SLC11A2: variants seen among roughly 807,000 people sequenced by gnomAD.
SLC11A2 encodes natural resistance-associated macrophage protein 2.
SLC11A2 carries 38 observed loss-of-function variants against 68.0 expected under a neutral mutation model. That is an observed-to-expected ratio of 0.56 (90% CI 0.43 to 0.73). SLC11A2 has a LOEUF of 0.73. SLC11A2 is among the 30% of genes least tolerant of loss of function. The probability of loss-of-function intolerance (pLI) is 0.00; values close to 1 mark genes in which losing one functional copy is unlikely to be tolerated. For missense variants in SLC11A2, 517 were observed against 690.5 expected, an observed-to-expected ratio of 0.75 and a Z score of 2.82; for synonymous variants, 242 against 250.6, an observed-to-expected ratio of 0.97 and a Z score of 0.32.
At chr12:50,977,255 G>A (rs959561776), downstream of SLC11A2, among the ~76,000 whole-genome samples, 2 of 152,172 alleles carry the variant, frequency 1.3e-5, no homozygotes, top group African/African-American at 4.8e-5. Flanking sequence ...ATACTACCAG[G>A]CTACAGTAAC....
Position 50,992,888 on chromosome 12 carries a change from G to A in SLC11A2, c.1119C>T (p.Tyr373=), listed in dbSNP as rs943415797. 6.2e-7 allele frequency: 1 copy of A among 1,614,030 alleles called. No individual in the cohort carries two copies. The highest frequency in any genetic ancestry group is 8.5e-7 in the Non-Finnish European group (1 of 1,179,984). Residue 373 remains tyrosine, a synonymous_variant, in exon 12 of 16, where the codon TAC becomes TAT. Transcript: ENST00000262052. ...LGCYFGPAAL[Y]IWAVGILAAG... The stretch of plus-strand genomic sequence containing the variant: ...CAGCCAGGATCCCCACTGCCCAAAT[G>A]TAGAGTGCAGCAGGCCCAAAGTAAC...
At chr12:50,996,788 G>C in intron 9 of SLC11A2, 29 bp downstream of exon 9, 2 of 1,610,244 alleles carry the variant, frequency 1.2e-6, no homozygotes, top group South Asian at 2.2e-5. Flanking sequence ...AACTGTCTAG[G>C]AGGTGAAGGA....
At chr12:51,005,088 C>T (rs1942605986) in intron 4 of SLC11A2, among the ~76,000 whole-genome samples, 181 bp from the exon 5 acceptor site, 1 of 152,182 alleles carries the variant, frequency 6.6e-6, no homozygotes, top group Non-Finnish European at 1.5e-5. Context: ...TCACCTTGTA[C>T]CTTTCTGAGC....
chr12:51,013,989 T>A (rs978411922), intron 1 of SLC11A2: 1 of 151,858 alleles, frequency 6.6e-6, no homozygotes, highest in Non-Finnish European at 1.5e-5. Flanking sequence ...ACCCAGCTAA[T>A]TTTTCTATTT....
At chr12:51,028,649 C>G (rs1944472264), upstream of SLC11A2, 1 of 167,604 alleles carries the variant, frequency 6.0e-6, no homozygotes, top group Admixed American at 6.1e-5. Flanking sequence ...GGACTCTGCT[C>G]CTCTGAGACG....
In SLC11A2 at chr12:50,988,172, T is replaced by C. The variant is rs146016854; in HGVS notation, c.*153A>G. ...AGGAAGGAAAAAATAATTCCATCTT[T>C]CAAATACACATGAAACAAAGTCTTT... On this transcript the variant is annotated 3_prime_UTR_variant, in exon 16 of 16. Coordinates refer to ENST00000262052, the MANE Select transcript of SLC11A2 (RefSeq NM_000617.3). 1.1e-4 allele frequency: 163 copies of C among 1,534,984 alleles called. 1 individual carries two copies. In the East Asian group the frequency reaches 3.0e-3, roughly 28 times the overall value.
intron 1 of SLC11A2, among the ~76,000 whole-genome samples, chr12:51,021,395 G>A (rs1423946394): frequency 1.3e-5 from 2 of 152,198 alleles, no homozygotes; most frequent in African/African-American, 4.8e-5. Context: ...GGAGGCAGAG[G>A]CAGGTGGATC....
downstream of SLC11A2, chr12:50,980,560 A>C (rs1269065650): frequency 6.8e-6 from 1 of 147,132 alleles, no homozygotes; most frequent in Non-Finnish European, 1.5e-5. Context: ...CCTGGTTAGG[A>C]AGGTGGGTGA....
chr12:51,028,434 A>T (rs918817061), upstream of SLC11A2: 1 of 477,636 alleles, frequency 2.1e-6, no homozygotes, highest in African/African-American at 2.0e-5. Context: ...GAGAAGCATT[A>T]TATATCTGCC....
At chr12:50,971,461 C>T in the SLC11A2 span, among the ~76,000 whole-genome samples, 43 of 152,278 alleles carry the variant, frequency 2.8e-4, no homozygotes, top group African/African-American at 9.6e-4. Flanking sequence ...AGGTAAACTG[C>T]AAACACATTT....
At chr12:50,997,499 C>T (rs1474826042) in intron 8 of SLC11A2, among the ~76,000 whole-genome samples, 1 of 151,828 alleles carries the variant, frequency 6.6e-6, no homozygotes, top group Non-Finnish European at 1.5e-5. Context: ...CCCAGGAGTT[C>T]AAGAGCAGCC....
At chr12:51,007,839 C>T (rs1942859448) in intron 3 of SLC11A2, among the ~76,000 whole-genome samples, 1 of 152,060 alleles carries the variant, frequency 6.6e-6, no homozygotes, top group Admixed American at 6.5e-5. Context: ...CAGGGTTTCG[C>T]CATATTGGCC....
At position 50,987,110 on chromosome 12, in the gene SLC11A2, T is replaced by G. The variant is rs17125172; in HGVS notation, c.*1215A>C. ...GTGGCTGAAGTAAAAGCAGCAGCTT[T>G]GTGCTGAAGACACCCATTTCCTCTG... is the stretch of plus-strand genomic sequence containing the variant. On this transcript the variant is annotated 3_prime_UTR_variant, in exon 16 of 16. Transcript: ENST00000262052. 9.4e-3 allele frequency: 12,059 copies of G among 1,284,708 alleles called. 989 individuals carry two copies. The African/African-American group carries it at 0.17, about 18-fold the overall frequency. 79.6% of individuals were successfully genotyped at this position (1,284,708 alleles called of 1,614,324 possible).
intron 3 of SLC11A2, chr12:51,006,258 C>T (rs576172691): frequency 8.8e-5 from 14 of 159,236 alleles, no homozygotes; most frequent in Admixed American, 3.1e-4. Context: ...AGGATTGCAC[C>T]ATTGCACTCT....
the SLC11A2 span, among the ~76,000 whole-genome samples, chr12:50,959,708 C>T: frequency 6.6e-6 from 1 of 151,906 alleles, no homozygotes; most frequent in Non-Finnish European, 1.5e-5. Flanking sequence ...AGTGCAGTAG[C>T]ATTATCTCAG....
chr12:50,978,690 T>C (rs753806398), downstream of SLC11A2, among the ~76,000 whole-genome samples: 41 of 152,046 alleles, frequency 2.7e-4, no homozygotes, highest in Non-Finnish European at 5.0e-4. Context: ...TTAGGAAGTA[T>C]GCAGGATGTG....
In SLC11A2 at chr12:50,986,357, A is replaced by G; in HGVS notation, c.*1968T>C. The stretch of plus-strand genomic sequence containing the variant: ...CTGTGAAGATCAAATGCAATAACGT[A>G]TGAGGGTATTTTTAACACTGTGAAG... On this transcript the variant is annotated 3_prime_UTR_variant, in exon 16 of 16. Transcript: ENST00000262052. 1 of 1,281,594 alleles carries G rather than the reference A, an allele frequency of 7.8e-7. No homozygotes were observed. The highest frequency in any genetic ancestry group is 1.2e-5 in the South Asian group (1 of 80,832). The allele number at this position is 1,281,594 out of a possible 1,614,324, so 79.4% of individuals were successfully genotyped here.
At chr12:50,974,114 A>G in the SLC11A2 span, among the ~76,000 whole-genome samples, 300 of 152,296 alleles carry the variant, frequency 2.0e-3, no homozygotes, top group Non-Finnish European at 2.4e-3. Flanking sequence ...GCAGGCCAAC[A>G]TTCAAATTCA....
intron 12 of SLC11A2, 23 bp from the exon 13 acceptor site, chr12:50,992,362 A>G (rs1240883413): frequency 1.2e-6 from 2 of 1,612,990 alleles, no homozygotes; most frequent in Non-Finnish European, 1.7e-6. Flanking sequence ...ATAGGAGCAG[A>G]TGACTGTCTG....
Sources: gnomAD v4.1 joint callset for allele counts (sites outside exome capture counted in the v4.1 genomes callset) on GRCh38, gnomAD v4.1.1 for gene constraint, MANE v1.5 for transcripts, NCBI Gene and HGNC (gene_info 2026-07-23, HGNC 2026-07-21) for gene names.